DNAH8: variants seen among roughly 807,000 people sequenced by gnomAD.
The protein encoded by DNAH8 is axonemal beta dynein heavy chain 8.
A neutral mutation model predicts 562.1 loss-of-function variants in DNAH8; 382 were observed. The observed-to-expected ratio is 0.68, with a 90% CI of 0.63 to 0.74. The LOEUF (loss-of-function observed/expected upper bound fraction) is 0.74. Ranked by LOEUF, DNAH8 falls within the 30% of genes least tolerant of loss-of-function variation. DNAH8 has a pLI of 0.00. For missense variants in DNAH8, 5,203 were observed against 5,620.4 expected (o/e 0.93, Z 2.37); for synonymous variants, 1,881 against 1,919.4 (o/e 0.98, Z 0.52).
intron 18 of DNAH8, among the ~76,000 whole-genome samples, chr6:38,787,408 T>C (rs1416545812): frequency 6.6e-6 from 1 of 151,882 alleles, no homozygotes; most frequent in Non-Finnish European, 1.5e-5. Context: ...TCTAACAAAA[T>C]GAAAATGGTA....
chr6:38,989,051 T>C (rs578134848), intron 87 of DNAH8, among the ~76,000 whole-genome samples: 18 of 152,290 alleles, frequency 1.2e-4, no homozygotes, highest in Admixed American at 1.1e-3. Context: ...AGGAGTTGAA[T>C]AGGATAAAAC....
At position 38,770,579 on chromosome 6, in the gene DNAH8, C is replaced by T. The variant is rs746781823; in HGVS notation, c.1764+20C>T. ...GAGAAGGTAAGCATTATGCAGTCAT[C>T]GTACCCCACTCCACACCACACCTTT... On this transcript the variant is annotated intron_variant, in intron 12 of 92. Coordinates refer to ENST00000327475, the MANE Select transcript of DNAH8 (RefSeq NM_001206927.2). 9.6e-6 allele frequency: 15 copies of T among 1,561,846 alleles called. No homozygotes were observed. Among genetic ancestry groups the T allele is most frequent in the East Asian group, 4.5e-5 (2 of 44,156 alleles).
At chr6:38,854,216 TGTTTAGAAAGTGAA>T (rs66872994) in intron 41 of DNAH8, among the ~76,000 whole-genome samples, 61,914 of 151,922 alleles carry the variant, frequency 0.41, 13,856 homozygotes, top group East Asian at 0.84. Context: ...ATGCAACTAA[TGTTTAGAAAGTGAA>T]GACCTCAAAG....
chr6:38,973,709 G>A lies in DNAH8; in HGVS notation c.12574G>A (p.Glu4192Lys), dbSNP rs775203899. 2 of 1,607,814 alleles carry A rather than the reference G, an allele frequency of 1.2e-6. No homozygotes were observed. Among genetic ancestry groups the A allele is most frequent in the African/African-American group, 1.3e-5 (1 of 74,378 alleles). ...QNCHLGLEFM[E>K]ELLETLITTE... ...TTGCCACCTTGGCCTGGAATTCATGGAAGAATTACTAGAGACGCTAATTAC... is the reference window on the plus strand; with the variant it reads ...TTGCCACCTTGGCCTGGAATTCATGAAAGAATTACTAGAGACGCTAATTAC... Residue 4192 changes from glutamate (E) to lysine (K), a missense_variant, in exon 84 of 93, where the codon GAA (glutamate) becomes AAA (lysine). Glu to Lys is a moderately conservative substitution (Grantham distance 56). Around this residue, in one of 6 missense-constraint regions of DNAH8, gnomAD observed 1,399 missense variants for 1,518.4 expected, o/e 0.92. Transcript: ENST00000327475.
intron 29 of DNAH8, among the ~76,000 whole-genome samples, chr6:38,827,007 C>A (rs1185001762): frequency 1.3e-5 from 2 of 152,154 alleles, no homozygotes; most frequent in East Asian, 3.9e-4. Flanking sequence ...ATCAAGATGT[C>A]AGCAGGGCCA....
chr6:38,800,864 G>T (rs529037653), intron 21 of DNAH8, among the ~76,000 whole-genome samples: 92 of 152,150 alleles, frequency 6.0e-4, no homozygotes, highest in African/African-American at 2.0e-3. Flanking sequence ...TTCAGAAGTA[G>T]GTATTCAGAT....
intron 13 of DNAH8, among the ~76,000 whole-genome samples, chr6:38,777,261 A>G (rs573847922): frequency 2.0e-5 from 3 of 152,196 alleles, no homozygotes; most frequent in Non-Finnish European, 4.4e-5. Flanking sequence ...TGGCAATGGG[A>G]ATTTTTGAAA....
At chr6:38,982,736 G>A (rs1764120494) in intron 86 of DNAH8, among the ~76,000 whole-genome samples, 1 of 152,204 alleles carries the variant, frequency 6.6e-6, no homozygotes, top group African/African-American at 2.4e-5. Flanking sequence ...AAGAGAAGGT[G>A]TGCTTTAGGT....
At chr6:38,999,063 T>C (rs575541179) in intron 88 of DNAH8, among the ~76,000 whole-genome samples, 1 of 152,310 alleles carries the variant, frequency 6.6e-6, no homozygotes, top group East Asian at 1.9e-4. Flanking sequence ...AAATGTGTGT[T>C]GGGGAGAGCT....
At position 38,737,967 on chromosome 6, in the gene DNAH8, G is replaced by A. The variant is rs138901149; in HGVS notation, c.1111G>A (p.Glu371Lys). The A allele has an allele frequency of 5.0e-6, 8 of 1,609,940 alleles. No individual in the cohort carries two copies. Among genetic ancestry groups the A allele is most frequent in the African/African-American group, 1.3e-5 (1 of 74,480 alleles). ...EVLMVWYKQI[E>K]QVLIESEQMR... ...GCTGATGGTATGGTACAAACAGATC[G>A]AACAGGTGAATTGACTCAAACAATT... The change falls in exon 7 of 93, where the codon GAA (glutamate) becomes AAA (lysine). Residue 371 changes from glutamate to lysine, a missense_variant. Coordinates refer to ENST00000327475, the MANE Select transcript of DNAH8 (RefSeq NM_001206927.2).
At chr6:38,838,742 A>G (rs910082970) in intron 33 of DNAH8, among the ~76,000 whole-genome samples, 16 of 152,214 alleles carry the variant, frequency 1.1e-4, no homozygotes, top group African/African-American at 3.9e-4. Flanking sequence ...GCTCTTCCCC[A>G]TTGGGTAGAC....
chr6:38,999,689 T>C (rs974829147), intron 88 of DNAH8, among the ~76,000 whole-genome samples: 1 of 151,774 alleles, frequency 6.6e-6, no homozygotes, highest in African/African-American at 2.4e-5. Context: ...AAAATACAAG[T>C]AACTCTGAGA....
At chr6:38,833,823 T>C (rs1774058762) in intron 31 of DNAH8, among the ~76,000 whole-genome samples, 1 of 152,232 alleles carries the variant, frequency 6.6e-6, no homozygotes, top group Non-Finnish European at 1.5e-5. Context: ...GGCCTCAGTT[T>C]ACTTTTTAAA....
At chr6:38,904,960 CAA>C (rs1166765610) in intron 62 of DNAH8, among the ~76,000 whole-genome samples, 1 of 152,022 alleles carries the variant, frequency 6.6e-6, no homozygotes, top group South Asian at 2.1e-4. Context: ...AAGAAAGAAA[CAA>C]GAGAGGTCAG....
At chr6:38,856,503 T>C (rs181564278) in intron 41 of DNAH8, among the ~76,000 whole-genome samples, 10 of 152,232 alleles carry the variant, frequency 6.6e-5, no homozygotes, top group African/African-American at 2.4e-4. Context: ...CTTTTGTAGT[T>C]TTTCTCTTTG....
intron 85 of DNAH8, 108 bp downstream of exon 85, chr6:38,974,637 A>G: frequency 1.2e-6 from 1 of 842,660 alleles, no homozygotes. Flanking sequence ...CTGTCTCCTT[A>G]CTCTCTTTTC....
At chr6:38,780,149 C>T in intron 15 of DNAH8, 84 bp downstream of exon 15, 1 of 1,293,370 alleles carries the variant, frequency 7.7e-7, no homozygotes, top group Non-Finnish European at 1.1e-6. Flanking sequence ...TTGTCTCATG[C>T]CAAGCTTTTC....
intron 41 of DNAH8, among the ~76,000 whole-genome samples, chr6:38,855,463 C>T (rs2150397114): frequency 6.6e-6 from 1 of 152,228 alleles, no homozygotes; most frequent in Admixed American, 6.5e-5. Context: ...TATTCCCTTC[C>T]AATACGTTAT....
At chr6:38,730,044 C>A in intron 4 of DNAH8, 58 bp downstream of exon 4, 1 of 776,560 alleles carries the variant, frequency 1.3e-6, no homozygotes, top group Non-Finnish European at 2.2e-6. Context: ...TAAAGTGCAG[C>A]ATATTTTTTC....
Sources: gnomAD v4.1 joint callset for allele counts (sites outside exome capture counted in the v4.1 genomes callset) on GRCh38, gnomAD v4.1.1 for gene constraint, gnomAD v4.1.1 regional missense constraint, MANE v1.5 for transcripts, NCBI Gene and HGNC (gene_info 2026-07-23, HGNC 2026-07-21) for gene names.